LTBP1: variants seen among roughly 807,000 people sequenced by gnomAD.
LTBP1 encodes latent-transforming growth factor beta-binding protein 1.
Under a neutral mutation model 207.6 loss-of-function variants are expected in LTBP1, and 129 were observed. That is an observed-to-expected ratio of 0.62 (90% CI 0.54 to 0.72). The LOEUF is 0.72. Among genes scored for constraint, LTBP1 ranks in the 30% least tolerant of loss-of-function variants. LTBP1 has a pLI of 0.00. For missense variants in LTBP1, 2,281 were observed against 2,217.2 expected (o/e 1.03, Z -0.58); for synonymous variants, 963 against 833.7 (o/e 1.16, Z -2.67).
At chr2:33,178,347 C>T (rs938167864) in intron 5 of LTBP1, among the ~76,000 whole-genome samples, 2 of 152,078 alleles carry the variant, frequency 1.3e-5, no homozygotes, top group African/African-American at 4.8e-5. Flanking sequence ...AAAACTAGAT[C>T]AAAATAGATA....
intron 24 of LTBP1, among the ~76,000 whole-genome samples, chr2:33,338,012 C>G (rs192346396): frequency 7.2e-5 from 11 of 152,280 alleles, no homozygotes; most frequent in Non-Finnish European, 1.6e-4. Context: ...AAAGAAAATT[C>G]TAATGAAATA....
intron 5 of LTBP1, among the ~76,000 whole-genome samples, chr2:33,180,050 G>T (rs553469209): frequency 6.6e-6 from 1 of 152,204 alleles, no homozygotes; most frequent in African/African-American, 2.4e-5. Flanking sequence ...CATGTTATTT[G>T]TTCTTCTGTA....
intron 9 of LTBP1, among the ~76,000 whole-genome samples, chr2:33,239,254 T>C (rs779182794): frequency 2.0e-4 from 31 of 152,200 alleles, no homozygotes; most frequent in Non-Finnish European, 4.0e-4. Flanking sequence ...GAGGAGCACA[T>C]GGGTCCGTAT....
chr2:33,145,431 G>T (rs1040340898), intron 5 of LTBP1, among the ~76,000 whole-genome samples: 1 of 152,166 alleles, frequency 6.6e-6, no homozygotes, highest in African/African-American at 2.4e-5. Context: ...CCCTAGAAGA[G>T]GTAAAAGGAA....
chr2:32,951,488 G>A (rs1411657575), intron 2 of LTBP1, among the ~76,000 whole-genome samples: 1 of 152,158 alleles, frequency 6.6e-6, no homozygotes, highest in Admixed American at 6.5e-5. Flanking sequence ...GGACCACTGG[G>A]GCTCCTGCTG....
intron 4 of LTBP1, among the ~76,000 whole-genome samples, chr2:33,120,132 T>C (rs1302696588): frequency 1.3e-5 from 2 of 152,204 alleles, no homozygotes; most frequent in Non-Finnish European, 2.9e-5. Flanking sequence ...CATGTATATA[T>C]GTATGATGGC....
intron 27 of LTBP1, among the ~76,000 whole-genome samples, chr2:33,361,059 G>T (rs917287044): frequency 6.6e-6 from 1 of 152,156 alleles, no homozygotes; most frequent in South Asian, 2.1e-4. Context: ...CTTTGTTGCT[G>T]ACAATGATAC....
At chr2:33,211,054 A>C (rs760113116) in intron 7 of LTBP1, among the ~76,000 whole-genome samples, 2 of 152,182 alleles carry the variant, frequency 1.3e-5, no homozygotes, top group Non-Finnish European at 2.9e-5. Context: ...TTTATACTTT[A>C]TTATATAATA....
rs56203414 is a variant in LTBP1, at chr2:33,286,824, C to T, written c.3113-6336C>T. Among the ~76,000 whole-genome samples the T allele has an allele frequency of 9.9e-5, 15 of 152,102 alleles. No homozygotes were observed. The East Asian group carries it at 1.6e-3, about 16-fold the overall frequency. On this transcript the variant is annotated intron_variant, in intron 19 of 33. Transcript: ENST00000404816. ...GAAACCATCATTCTCAGCAAACTAT[C>T]GCAAGGACAAAAAACCAAACACCGC...
At chr2:33,248,829 C>T (rs917135420) in intron 10 of LTBP1, among the ~76,000 whole-genome samples, 13 of 152,058 alleles carry the variant, frequency 8.5e-5, no homozygotes, top group African/African-American at 2.7e-4. Flanking sequence ...TCACGTGATC[C>T]GCCCACCTCT....
At chr2:33,145,265 GA>G (rs35414997) in intron 5 of LTBP1, among the ~76,000 whole-genome samples, 3,169 of 145,460 alleles carry the variant, frequency 0.022, 44 homozygotes, top group Non-Finnish European at 0.034. Flanking sequence ...TGGTTGGGGA[GA>G]AAAAAAAAAA....
At chr2:33,262,949 G>T in intron 14 of LTBP1, 128 bp downstream of exon 14, 4 of 568,518 alleles carry the variant, frequency 7.0e-6, no homozygotes, top group Non-Finnish European at 1.3e-5. Flanking sequence ...GTTAAGTATA[G>T]TAATATACTT....
At chr2:33,389,091 T>G in intron 31 of LTBP1, 93 bp from the exon 32 acceptor site, 1 of 1,558,306 alleles carries the variant, frequency 6.4e-7, no homozygotes, top group South Asian at 1.2e-5. Context: ...TGGAAGGGTG[T>G]GCTGGCAGAT....
intron 11 of LTBP1, among the ~76,000 whole-genome samples, chr2:33,253,857 C>T (rs2149986263): frequency 6.9e-6 from 1 of 144,796 alleles, no homozygotes; most frequent in South Asian, 2.2e-4. Context: ...CTCTTGTGCT[C>T]TTGCTCTTGT....
chr2:33,372,979 A>T (rs2095088467), intron 31 of LTBP1, among the ~76,000 whole-genome samples: 1 of 152,258 alleles, frequency 6.6e-6, no homozygotes, highest in Non-Finnish European at 1.5e-5. Context: ...AAAGAAAATT[A>T]TACATATTTG....
rs575784290 is a variant in LTBP1, at chr2:33,286,833, A to G, written c.3113-6327A>G. Among the ~76,000 whole-genome samples, 6 of 152,224 alleles carry G rather than the reference A, an allele frequency of 3.9e-5. No homozygotes were observed. In the South Asian group the frequency reaches 8.3e-4, roughly 21 times the overall value. ...ATTCTCAGCAAACTATCGCAAGGACAAAAAACCAAACACCGCATGTTCTCA... is the reference window on the plus strand; with the variant it reads ...ATTCTCAGCAAACTATCGCAAGGACGAAAAACCAAACACCGCATGTTCTCA... On this transcript the variant is annotated intron_variant, in intron 19 of 33. Transcript: ENST00000404816.
At chr2:33,332,999 G>A (rs1437313895) in intron 24 of LTBP1, 2 of 152,248 alleles carry the variant, frequency 1.3e-5, no homozygotes, top group African/African-American at 2.4e-5. Flanking sequence ...GGCTCAGCAA[G>A]GGTAGAGCTA....
chr2:33,170,174 C>A (rs1325196282), intron 5 of LTBP1, among the ~76,000 whole-genome samples: 1 of 152,142 alleles, frequency 6.6e-6, no homozygotes, highest in Non-Finnish European at 1.5e-5. Context: ...GTGCAGTGCA[C>A]CGTGCTCGAG....
intron 7 of LTBP1, among the ~76,000 whole-genome samples, chr2:33,205,704 G>A (rs1442374561): frequency 2.0e-5 from 3 of 152,132 alleles, no homozygotes; most frequent in Non-Finnish European, 4.4e-5. Flanking sequence ...TGCTATTGAT[G>A]GAATTATGCC....
Sources: gnomAD v4.1 joint callset for allele counts (sites outside exome capture counted in the v4.1 genomes callset) on GRCh38, gnomAD v4.1.1 for gene constraint, MANE v1.5 for transcripts, NCBI Gene and HGNC (gene_info 2026-07-23, HGNC 2026-07-21) for gene names.